MARK3: variants seen among roughly 807,000 people sequenced by gnomAD.
The protein encoded by MARK3 is MAP/microtubule affinity-regulating kinase 3.
MARK3 carries 46 observed loss-of-function variants against 90.1 expected under a neutral mutation model. The ratio of observed to expected loss-of-function variants is 0.51; its 90% CI spans 0.40 to 0.65. MARK3 has a LOEUF of 0.65. Ranked by LOEUF, MARK3 falls within the 30% of genes least tolerant of loss-of-function variation. The probability of loss-of-function intolerance (pLI) is 0.00; values close to 1 mark genes in which losing one functional copy is unlikely to be tolerated. For missense variants in MARK3, 818 were observed against 947.2 expected, an observed-to-expected ratio of 0.86 and a Z score of 1.79; for synonymous variants, 321 against 332.6, an observed-to-expected ratio of 0.97 and a Z score of 0.38.
intron 2 of MARK3, chr14:103,412,541 C>A: frequency 1.7e-6 from 1 of 582,130 alleles, no homozygotes. Context: ...TGGCCTTGGT[C>A]TCGTCACAGT....
At chr14:103,467,989 G>A in intron 11 of MARK3, 44 bp from the exon 12 acceptor site, 2 of 1,594,592 alleles carry the variant, frequency 1.3e-6, no homozygotes, top group African/African-American at 1.4e-5. Flanking sequence ...TAAGCCATTT[G>A]GGTTCGTGTT....
intron 2 of MARK3, among the ~76,000 whole-genome samples, chr14:103,425,817 A>C (rs1171864474): frequency 6.6e-6 from 1 of 152,176 alleles, no homozygotes; most frequent in Non-Finnish European, 1.5e-5. Flanking sequence ...TCCTCCTGAA[A>C]ATGGGGGTTA....
chr14:103,450,907 TGTGTGTGTGTA>T (rs2093125431), intron 4 of MARK3, among the ~76,000 whole-genome samples: 1 of 65,992 alleles, frequency 1.5e-5, no homozygotes, highest in South Asian at 5.3e-4. Flanking sequence ...TGTGTGTGTG[TGTGTGTGTGTA>T]TTCTTTTTTT....
At chr14:103,425,187 G>T (rs2092359433) in intron 2 of MARK3, among the ~76,000 whole-genome samples, 1 of 151,664 alleles carries the variant, frequency 6.6e-6, no homozygotes, top group African/African-American at 2.4e-5. Flanking sequence ...TGATCTGCCT[G>T]CCTTGGCCTC....
chr14:103,448,887 GGA>G (rs780049654), intron 3 of MARK3, 30 bp from the exon 4 acceptor site: 19 of 1,527,002 alleles, frequency 1.2e-5, no homozygotes, highest in East Asian at 2.3e-5. Context: ...TGTGTTGGGG[GGA>G]TTATGTGTTT....
chr14:103,404,243 G>T (rs2091139477), intron 1 of MARK3, among the ~76,000 whole-genome samples: 1 of 152,192 alleles, frequency 6.6e-6, no homozygotes, highest in South Asian at 2.1e-4. Context: ...TTCCTGGACA[G>T]AAAGTTGGAA....
chr14:103,500,179 A>G lies in MARK3; in HGVS notation c.1895A>G (p.Asn632Ser). 4 of 1,612,388 alleles carry G rather than the reference A, an allele frequency of 2.5e-6. No individual in the cohort carries two copies. The highest frequency in any genetic ancestry group is 3.4e-6 in the Non-Finnish European group (4 of 1,179,008). The change falls in exon 17 of 18, where the codon AAC becomes AGC. Residue 632 changes from asparagine to serine, a missense_variant. Physicochemically the swap from Asn to Ser is conservative, Grantham distance 46. This residue lies in a region of MARK3 where 560 missense variants were observed against 613.5 expected (regional missense o/e 0.91). Coordinates refer to ENST00000429436, the MANE Select transcript of MARK3 (RefSeq NM_001128918.3). ...AGGCTTCCAACTGAATATGAGAGGA[A>G]CGGGAGATATGAGGGCTCAAGGTGA... Reference protein sequence around the residue: ...IKRLPTEYERNGRYEGSSRNV... With the variant: ...IKRLPTEYERSGRYEGSSRNV...
At chr14:103,468,388 A>G (rs11627919) in intron 12 of MARK3, among the ~76,000 whole-genome samples, 140,990 of 145,814 alleles carry the variant, frequency 0.97, 68,303 homozygotes, top group East Asian at 1. Context: ...GGAGTGGCAC[A>G]ATTTTGGCTC....
chr14:103,388,187 T>G (rs1334753889), intron 1 of MARK3, among the ~76,000 whole-genome samples: 1 of 152,098 alleles, frequency 6.6e-6, no homozygotes, highest in East Asian at 1.9e-4. Flanking sequence ...CGCGTCAGCC[T>G]CCCAAAGTGC....
intron 12 of MARK3, among the ~76,000 whole-genome samples, chr14:103,469,488 ATTTG>A (rs749163631): frequency 2.0e-5 from 3 of 146,600 alleles, no homozygotes; most frequent in Non-Finnish European, 3.0e-5. Context: ...GGCCTTATTT[ATTTG>A]TTTATTTTTT....
intron 1 of MARK3, among the ~76,000 whole-genome samples, chr14:103,395,605 C>G (rs1310675689): frequency 1.3e-5 from 2 of 152,134 alleles, no homozygotes; most frequent in African/African-American, 2.4e-5. Context: ...TTGGTTCACT[C>G]CCAGGTTTCA....
At chr14:103,411,040 C>T (rs763195353) in intron 2 of MARK3, among the ~76,000 whole-genome samples, 20 of 152,086 alleles carry the variant, frequency 1.3e-4, no homozygotes, top group Non-Finnish European at 2.4e-4. Context: ...TTTGGGAGGC[C>T]GAGGTGGGTG....
chr14:103,439,698 C>T (rs1217671934), intron 3 of MARK3, among the ~76,000 whole-genome samples: 2 of 152,084 alleles, frequency 1.3e-5, no homozygotes, highest in South Asian at 4.2e-4. Flanking sequence ...CGTGAGCCAC[C>T]GCACCCCACC....
intron 12 of MARK3, among the ~76,000 whole-genome samples, chr14:103,471,413 T>G (rs1023318075): frequency 6.6e-6 from 1 of 152,224 alleles, no homozygotes; most frequent in Non-Finnish European, 1.5e-5. Flanking sequence ...CTCCCAAGGT[T>G]ACATAGTAAA....
rs117548218 is a variant in MARK3 at position 103,450,391 on chromosome 14, C to T, written c.346+1424C>T. 6.3e-3 allele frequency among the ~76,000 whole-genome samples: 956 copies of T among 152,234 alleles called. 5 individuals carry two copies. The highest frequency in any genetic ancestry group is 0.011 in the Non-Finnish European group (777 of 68,016). On this transcript the variant is annotated intron_variant, in intron 4 of 17. Coordinates refer to ENST00000429436, the MANE Select transcript of MARK3 (RefSeq NM_001128918.3). ...ATCACTGTTGCCTAGAACAAGCTAA[C>T]GTAAACATGTTTATTTTGTCTTTTA...
chr14:103,411,892 A>G (rs2091656073), intron 2 of MARK3, among the ~76,000 whole-genome samples: 1 of 150,732 alleles, frequency 6.6e-6, no homozygotes, highest in Admixed American at 6.6e-5. Flanking sequence ...AAGTGCTGGG[A>G]TTACAGGTGT....
rs1032999641 is a variant in MARK3 at position 103,480,435 on chromosome 14, A to G, written c.1531A>G (p.Ser511Gly). 7 of 1,613,730 alleles carry G rather than the reference A, an allele frequency of 4.3e-6. No individual in the cohort carries two copies. The highest frequency in any genetic ancestry group is 2.7e-5 in the African/African-American group (2 of 74,936). Residue 511 changes from serine (S) to glycine (G), a missense_variant, in exon 14 of 18, where the codon AGT (serine) becomes GGT (glycine). Ser to Gly is a moderately conservative substitution (Grantham distance 56). Coordinates refer to ENST00000429436, the MANE Select transcript of MARK3 (RefSeq NM_001128918.3). Reference sequence around the variant, plus strand: ...GACACGACGAAATACTTATGTTTGCAGTGAGAGAACTACAGCTGATAGACA... The same window carrying G: ...GACACGACGAAATACTTATGTTTGCGGTGAGAGAACTACAGCTGATAGACA... ...GMTRRNTYVC[S>G]ERTTADRHSV...
At chr14:103,483,377 G>C (rs867960406) in intron 14 of MARK3, among the ~76,000 whole-genome samples, 1 of 152,100 alleles carries the variant, frequency 6.6e-6, no homozygotes, top group African/African-American at 2.4e-5. Flanking sequence ...AATGATGGCT[G>C]ATTTTTTAAA....
chr14:103,484,184 C>CT (rs1419167840), intron 14 of MARK3, among the ~76,000 whole-genome samples: 40 of 133,572 alleles, frequency 3.0e-4, no homozygotes, highest in Admixed American at 2.1e-3. Flanking sequence ...TTCTTTTTTT[C>CT]TTTTTTTTTC....
Sources: allele counts gnomAD v4.1 joint callset (sites outside exome capture counted in the v4.1 genomes callset), GRCh38; gene constraint gnomAD v4.1.1; regional missense constraint gnomAD v4.1.1; transcripts MANE v1.5; gene names NCBI Gene and HGNC (gene_info 2026-07-23, HGNC 2026-07-21).